The following ANO2 variants were observed in gnomAD, a reference collection of about 807,000 sequenced individuals.
ANO2 encodes anoctamin 2.
Under a neutral mutation model 124.2 loss-of-function variants are expected in ANO2, and 101 were observed. The ratio of observed to expected loss-of-function variants is 0.81; its 90% CI spans 0.69 to 0.96. The LOEUF is 0.96. Among genes scored for constraint, ANO2 ranks in the 40% least tolerant of loss-of-function variants. The pLI is 0.00. For synonymous variants in ANO2, 486 were observed against 482.5 expected (o/e 1.01, Z -0.09); for missense variants, 1,293 against 1,274.5 (o/e 1.01, Z -0.22).
chr12:5,923,252 A>ACACACACACGCACACACACC lies in ANO2; in HGVS notation c.23-449_23-448insGGTGTGTGTGCGTGTGTGTG, dbSNP rs1565784497. Among the ~76,000 whole-genome samples, 97 of 74,702 alleles carry ACACACACACGCACACACACC rather than the reference A, an allele frequency of 1.3e-3. 9 individuals are homozygous for ACACACACACGCACACACACC. Among genetic ancestry groups the ACACACACACGCACACACACC allele is most frequent in the Middle Eastern group, 5.3e-3 (1 of 188 alleles). 49.0% of individuals were successfully genotyped at this position (74,702 alleles called of 152,430 possible). A position where few individuals can be genotyped will look rare whatever the true frequency, so the allele number is the denominator to read the frequency against. On this transcript the variant is annotated intron_variant, in intron 1 of 24. Transcript: ENST00000682330. The stretch of plus-strand genomic sequence containing the variant: ...TGCACACATACACACACGCATACAC[A>ACACACACACGCACACACACC]CACATACACACACACACACACACAC...
intron 3 of ANO2, among the ~76,000 whole-genome samples, chr12:5,901,726 A>G (rs565042762): frequency 2.0e-5 from 3 of 152,324 alleles, no homozygotes; most frequent in Non-Finnish European, 4.4e-5. Flanking sequence ...GAAAAACCAC[A>G]TGACCTGTTC....
Position 5,565,638 on chromosome 12 carries a change from A to G in ANO2, c.2647T>C (p.Trp883Arg), listed in dbSNP as rs1325554779. The part of the protein sequence containing the change: ...CRFKDYREPP[W>R]APNPYEFSKQ... ...GAAAACTCATAAGGGTTCGGGGCCC[A>G]TGGCGGCTCTCGGTAATCCTTAAAC... The change falls in exon 24 of 25, where the codon TGG becomes CGG. Residue 883 changes from tryptophan to arginine, a missense_variant. Coordinates refer to ENST00000682330, the MANE Select transcript of ANO2 (RefSeq NM_001364791.2). The G allele has an allele frequency of 1.9e-6, 3 of 1,603,180 alleles. No individual in the cohort carries two copies. Among genetic ancestry groups the G allele is most frequent in the Non-Finnish European group, 2.6e-6 (3 of 1,174,796 alleles).
chr12:5,612,583 C>G (rs1328059065), intron 19 of ANO2, 73 bp downstream of exon 19: 3 of 1,281,096 alleles, frequency 2.3e-6, no homozygotes, highest in East Asian at 2.4e-5. Flanking sequence ...CCATAGAAAA[C>G]CTGCTGAAAG....
At chr12:5,873,233 CTCTCTCTCTCTCTG>C (rs1937844299) in intron 3 of ANO2, among the ~76,000 whole-genome samples, 5 of 139,090 alleles carry the variant, frequency 3.6e-5, no homozygotes, top group Admixed American at 7.0e-5. Flanking sequence ...CTCTCTCTCT[CTCTCTCTCTCTCTG>C]TCTGTCTCTC....
intron 14 of ANO2, among the ~76,000 whole-genome samples, chr12:5,731,139 T>C (rs1950616030): frequency 6.6e-6 from 1 of 152,220 alleles, no homozygotes; most frequent in African/African-American, 2.4e-5. Context: ...AATTATCCAT[T>C]GTATATTGCT....
At position 5,925,946 on chromosome 12, in the gene ANO2, C is replaced by T. The variant is rs1291595892; in HGVS notation, c.23-3142G>A. 6.6e-6 allele frequency among the ~76,000 whole-genome samples: 1 copy of T among 152,232 alleles called. No individual in the cohort carries two copies. Among genetic ancestry groups the T allele is most frequent in the Non-Finnish European group, 1.5e-5 (1 of 68,046 alleles). ...TATTGCTGACGACACTTAAGTTTCA[C>T]TCTAACTCTTGCTCTCCTGCAGGCA... On this transcript the variant is annotated intron_variant, in intron 1 of 24. Transcript: ENST00000682330. This position sits in a 1 kb window ranked among gnomAD's most constrained non-coding sequence, Gnocchi z 4.6.
intron 11 of ANO2, among the ~76,000 whole-genome samples, chr12:5,749,768 C>T (rs909571797): frequency 2.0e-5 from 3 of 152,130 alleles, no homozygotes; most frequent in Admixed American, 6.5e-5. Context: ...ATTTATTAAT[C>T]TTCTGCTATG....
intron 1 of ANO2, among the ~76,000 whole-genome samples, chr12:5,939,581 T>C (rs1372544669): frequency 6.6e-6 from 1 of 152,230 alleles, no homozygotes; most frequent in Non-Finnish European, 1.5e-5. Flanking sequence ...AGATTTGACA[T>C]GAACAGTCAC....
Position 5,612,737 on chromosome 12 carries a change from A to G in ANO2, c.2006T>C (p.Leu669Pro), listed in dbSNP as rs1384696117. The change falls in exon 19 of 25, where the codon CTC becomes CCC. Residue 669 changes from leucine to proline, a missense_variant. Leu to Pro is a moderately conservative substitution (Grantham distance 98). Transcript: ENST00000682330. ...GCTGAGCTGAATGCAGAGCTCCATGAGACAGCCCCCTGGAGCACACTGCAG... is the reference window on the plus strand; with the variant it reads ...GCTGAGCTGAATGCAGAGCTCCATGGGACAGCCCCCTGGAGCACACTGCAG... ...RMEECAPGGC[L>P]MELCIQLSII... is the part of the protein sequence containing the mutation. 3 of 1,613,736 alleles carry G rather than the reference A, an allele frequency of 1.9e-6. No homozygotes were observed. Among genetic ancestry groups the G allele is most frequent in the Non-Finnish European group, 2.5e-6 (3 of 1,179,836 alleles).
intron 14 of ANO2, among the ~76,000 whole-genome samples, chr12:5,692,870 T>A (rs1473405133): frequency 6.6e-6 from 1 of 152,216 alleles, no homozygotes; most frequent in Non-Finnish European, 1.5e-5. Flanking sequence ...TGAAAAGTAT[T>A]GTTTCCGAGG....
chr12:5,751,440 A>G (rs1008142964), intron 10 of ANO2, among the ~76,000 whole-genome samples: 1 of 152,194 alleles, frequency 6.6e-6, no homozygotes, highest in African/African-American at 2.4e-5. Context: ...ACATACACAC[A>G]CTTACTGAAA....
intron 7 of ANO2, among the ~76,000 whole-genome samples, chr12:5,818,298 C>T (rs1309017792): frequency 2.0e-5 from 3 of 151,800 alleles, no homozygotes; most frequent in Non-Finnish European, 2.9e-5. Context: ...AAAGACTATA[C>T]TGGCCTACAT....
At chr12:5,879,049 C>T (rs763980188) in intron 3 of ANO2, among the ~76,000 whole-genome samples, 8 of 152,234 alleles carry the variant, frequency 5.3e-5, no homozygotes, top group Non-Finnish European at 8.8e-5. Context: ...CCTGCGAGAA[C>T]ATGACAGTGT....
chr12:5,612,947 C>T lies in ANO2; in HGVS notation c.1940G>A (p.Arg647Lys), dbSNP rs1351433820. The T allele has an allele frequency of 1.2e-6, 2 of 1,613,822 alleles. No individual in the cohort carries two copies. Among genetic ancestry groups the T allele is most frequent in the African/African-American group, 2.7e-5 (2 of 74,886 alleles). ...GAATACATAGACGTAGCTTCCAGGCCTGCCCACAAACCTGAAATCAAACAG... is the reference window on the plus strand; with the variant it reads ...GAATACATAGACGTAGCTTCCAGGCTTGCCCACAAACCTGAAATCAAACAG... ...VAFFKGRFVG[R>K]PGSYVYVFDG... is the part of the protein sequence containing the mutation. The change falls in exon 18 of 25, where the codon AGG becomes AAG. Residue 647 changes from arginine to lysine, a missense_variant. By Grantham distance (26) the Arg-to-Lys change is conservative. Transcript: ENST00000682330.
At chr12:5,654,225 T>C (rs1947054133) in intron 14 of ANO2, among the ~76,000 whole-genome samples, 1 of 152,172 alleles carries the variant, frequency 6.6e-6, no homozygotes, top group African/African-American at 2.4e-5. Flanking sequence ...GACACACCCA[T>C]GGCTAGTGAG....
intron 10 of ANO2, among the ~76,000 whole-genome samples, chr12:5,751,909 A>C (rs921222878): frequency 1.3e-5 from 2 of 152,024 alleles, no homozygotes; most frequent in Non-Finnish European, 2.9e-5. Flanking sequence ...CCTGTTAACC[A>C]CTATTCTATT....
chr12:5,596,022 A>G (rs960865583), intron 20 of ANO2, among the ~76,000 whole-genome samples: 10 of 152,236 alleles, frequency 6.6e-5, no homozygotes, highest in African/African-American at 2.4e-4. Flanking sequence ...ATGAATCAAG[A>G]ACCATAGAAT....
chr12:5,594,200 T>C (rs941964691), intron 20 of ANO2, among the ~76,000 whole-genome samples: 4 of 152,182 alleles, frequency 2.6e-5, no homozygotes, highest in African/African-American at 7.2e-5. Flanking sequence ...GTTGACTCAA[T>C]CAATATCAGG....
intron 13 of ANO2, 67 bp downstream of exon 13, chr12:5,739,250 C>T: frequency 7.3e-7 from 1 of 1,367,248 alleles, no homozygotes; most frequent in Admixed American, 2.0e-5. Flanking sequence ...TCAAGAGAGT[C>T]CATTTCCAGG....
Sources: allele counts gnomAD v4.1 joint callset (sites outside exome capture counted in the v4.1 genomes callset), GRCh38; gene constraint gnomAD v4.1.1; non-coding constraint Gnocchi (gnomAD v3.1); transcripts MANE v1.5; gene names NCBI Gene and HGNC (gene_info 2026-07-23, HGNC 2026-07-21).